The following GIGYF2 variants were observed in gnomAD, a reference collection of about 807,000 sequenced individuals.
The protein encoded by GIGYF2 is GRB10-interacting GYF protein 2.
In GIGYF2, 25 loss-of-function variants were observed where a neutral mutation model predicts 208.1. The ratio of observed to expected loss-of-function variants is 0.12; its 90% CI spans 0.09 to 0.17. GIGYF2 has a LOEUF of 0.17. Ranked by LOEUF, GIGYF2 falls within the 10% of genes least tolerant of loss-of-function variation. The pLI, the probability that GIGYF2 is intolerant of heterozygous loss-of-function variation, is 1.00. For missense variants in GIGYF2, 1,302 were observed against 1,579.4 expected, an observed-to-expected ratio of 0.82 and a Z score of 2.98; for synonymous variants, 534 against 543.8, an observed-to-expected ratio of 0.98 and a Z score of 0.25.
chr2:232,819,543 G>A (rs148290497), intron 20 of GIGYF2, among the ~76,000 whole-genome samples: 1 of 152,268 alleles, frequency 6.6e-6, no homozygotes, highest in African/African-American at 2.4e-5. Flanking sequence ...TCTTTCTACG[G>A]TTAATCAGTA....
Position 232,856,774 on chromosome 2 carries a change from G to A in GIGYF2, c.3833-19G>A. On this transcript the variant is annotated intron_variant, in intron 28 of 28. Coordinates refer to ENST00000373563, the MANE Select transcript of GIGYF2 (RefSeq NM_001103146.3). ...GGTTGCCTGGGTGTGGTCACTCATA[G>A]CCAGTTTTTTTTCTGCAGGATTTTC... The A allele has an allele frequency of 6.3e-7, 1 of 1,587,338 alleles. No homozygotes were observed. The highest frequency in any genetic ancestry group is 8.7e-7 in the Non-Finnish European group (1 of 1,155,528).
chr2:232,795,006 G>T, intron 13 of GIGYF2, 62 bp downstream of exon 13: 2 of 1,189,448 alleles, frequency 1.7e-6, no homozygotes, highest in South Asian at 2.4e-5. Context: ...AGCAGGCATT[G>T]CATGAATATT....
rs139746604 is a variant in GIGYF2 at position 232,768,294 on chromosome 2, G to A, written c.532+6858G>A. The A allele has an allele frequency of 1.9e-6, 3 of 1,614,174 alleles. No individual in the cohort carries two copies. The highest frequency in any genetic ancestry group is 2.5e-6 in the Non-Finnish European group (3 of 1,179,998). On this transcript the variant is annotated intron_variant, in intron 8 of 28. Transcript: ENST00000373563. ...GTTTGGGCTTTTAGAAACCAGAGGA[G>A]TTGGAAATTCAGGGACAGTCTTGTC...
chr2:232,725,161 G>A (rs1228272109), intron 2 of GIGYF2, among the ~76,000 whole-genome samples: 1 of 151,874 alleles, frequency 6.6e-6, no homozygotes, highest in African/African-American at 2.4e-5. Flanking sequence ...TTCTCCTCCA[G>A]GTAACTATCC....
chr2:232,776,506 G>T (rs1242869777), intron 8 of GIGYF2: 1 of 1,312,850 alleles, frequency 7.6e-7, no homozygotes, highest in Non-Finnish European at 1.1e-6. Flanking sequence ...TACAGAGTCT[G>T]CCTTTTTGAT....
chr2:232,807,851 A>T (rs1194146805), intron 15 of GIGYF2, among the ~76,000 whole-genome samples: 1 of 152,194 alleles, frequency 6.6e-6, no homozygotes, highest in East Asian at 1.9e-4. Context: ...GATTTTAGGC[A>T]TGAGCCACTG....
chr2:232,821,909 G>C (rs1374966373), intron 21 of GIGYF2, among the ~76,000 whole-genome samples: 1 of 147,950 alleles, frequency 6.8e-6, no homozygotes, highest in Non-Finnish European at 1.5e-5. Context: ...TTGAATTTTT[G>C]ATGCTTTTGT....
At chr2:232,724,481 TC>T (rs1432806889) in intron 2 of GIGYF2, 8 of 152,146 alleles carry the variant, frequency 5.3e-5, no homozygotes, top group African/African-American at 1.9e-4. Flanking sequence ...ATTCTTCAGA[TC>T]ATCAATAAGT....
chr2:232,768,513 G>A, intron 8 of GIGYF2: 2 of 1,614,118 alleles, frequency 1.2e-6, no homozygotes, highest in Non-Finnish European at 1.7e-6. Context: ...GAGCAGAGTA[G>A]CCAGAGGACT....
chr2:232,721,327 G>T (rs77633827), intron 2 of GIGYF2, among the ~76,000 whole-genome samples: 1,876 of 152,240 alleles, frequency 0.012, 46 homozygotes, highest in African/African-American at 0.042. Context: ...AATTCCTAAG[G>T]CTTTCCTCTT....
At chr2:232,774,121 G>GA (rs567700432) in intron 8 of GIGYF2, among the ~76,000 whole-genome samples, 2,143 of 127,660 alleles carry the variant, frequency 0.017, 41 homozygotes, top group African/African-American at 0.05. Context: ...GTCTCTAAAA[G>GA]AAAAAAAAAA....
In GIGYF2 at chr2:232,791,143, G is replaced by C. The variant is rs375172356; in HGVS notation, c.1066G>C (p.Gly356Arg). 1.7e-5 allele frequency: 27 copies of C among 1,613,910 alleles called. No individual in the cohort carries two copies. The highest frequency in any genetic ancestry group is 2.3e-5 in the Non-Finnish European group (27 of 1,179,992). The stretch of plus-strand genomic sequence containing the variant: ...ACCCGATAAGACAAATAAGAAAGAA[G>C]GAGAGAAAACAGATAGAGTAGGAGT... The part of the protein sequence containing the change: ...KEPDKTNKKE[G>R]EKTDRVGVEA... Residue 356 changes from glycine (G) to arginine (R), a missense_variant, in exon 11 of 29, where the codon GGA (glycine) becomes CGA (arginine). By Grantham distance (125) the Gly-to-Arg change is moderately radical (BLOSUM62 -2). Transcript: ENST00000373563.
Position 232,816,922 on chromosome 2 carries a change from G to A in GIGYF2, c.2260G>A (p.Glu754Lys), listed in dbSNP as rs753320765. ...AEMRAKREEE[E>K]RKRQEELRRQ... ...AATGAGGGCAAAACGGGAAGAGGAA[G>A]AGCGAAAGAGGCAGGAAGAACTCCG... The change falls in exon 20 of 29, where the codon GAG (glutamate) becomes AAG (lysine). Residue 754 changes from glutamate to lysine, a missense_variant. Physicochemically the swap from Glu to Lys is moderately conservative, Grantham distance 56 (BLOSUM62 1). Transcript: ENST00000373563. 3.7e-6 allele frequency: 6 copies of A among 1,612,390 alleles called. No homozygotes were observed. Among genetic ancestry groups the A allele is most frequent in the African/African-American group, 1.3e-5 (1 of 74,870 alleles).
At chr2:232,756,426 A>C in intron 6 of GIGYF2, 92 bp downstream of exon 6, 1 of 662,138 alleles carries the variant, frequency 1.5e-6, no homozygotes, top group Non-Finnish European at 2.6e-6. Context: ...ATTTAATAAA[A>C]ACTGTTCTTT....
At chr2:232,834,793 C>A in intron 22 of GIGYF2, among the ~76,000 whole-genome samples, 1 of 151,744 alleles carries the variant, frequency 6.6e-6, no homozygotes, top group Non-Finnish European at 1.5e-5. Context: ...AAGTTTCTTT[C>A]TTTTGCCAGT....
chr2:232,776,539 C>T (rs1699522623), intron 8 of GIGYF2: 9 of 927,296 alleles, frequency 9.7e-6, no homozygotes, highest in Admixed American at 5.9e-5. Flanking sequence ...ATCTACAAGT[C>T]TAGTTTGTAG....
Position 232,845,827 on chromosome 2 carries a change from G to C in GIGYF2, c.3401G>C (p.Gly1134Ala). The C allele has an allele frequency of 6.2e-7, 1 of 1,613,676 alleles. No individual in the cohort carries two copies. The change falls in exon 26 of 29, where the codon GGA (glycine) becomes GCA (alanine). Residue 1134 changes from glycine to alanine, a missense_variant. Transcript: ENST00000373563. Reference protein sequence around the residue: ...LFQGVNKAQDGFTQWCEQMLH... With the variant: ...LFQGVNKAQDAFTQWCEQMLH... Reference sequence around the variant, plus strand: ...CAGGGAGTAAATAAAGCCCAAGATGGATTTACGCAGTGGTGTGAACAGATG... The same window carrying C: ...CAGGGAGTAAATAAAGCCCAAGATGCATTTACGCAGTGGTGTGAACAGATG...
At chr2:232,784,446 G>A (rs1331157425) in intron 8 of GIGYF2, among the ~76,000 whole-genome samples, 1 of 132,166 alleles carries the variant, frequency 7.6e-6, no homozygotes, top group Admixed American at 8.9e-5. Flanking sequence ...CTGGAGAGCA[G>A]TGGCGTGATC....
intron 23 of GIGYF2, among the ~76,000 whole-genome samples, chr2:232,840,468 T>C (rs1480724770): frequency 6.6e-6 from 1 of 152,304 alleles, no homozygotes; most frequent in African/African-American, 2.4e-5. Flanking sequence ...ACACAGCTTT[T>C]GACAGAGAGG....
Sources: allele counts gnomAD v4.1 joint callset (sites outside exome capture counted in the v4.1 genomes callset), GRCh38; gene constraint gnomAD v4.1.1; transcripts MANE v1.5; gene names NCBI Gene and HGNC (gene_info 2026-07-23, HGNC 2026-07-21).